The following ERC1 variants were observed in gnomAD, a reference collection of about 807,000 sequenced individuals.
ERC1 encodes the protein ELKS/RAB6-interacting/CAST family member 1, also known as RAB6 interacting protein 2.
ERC1 carries 56 observed loss-of-function variants against 132.0 expected under a neutral mutation model. The ratio of observed to expected loss-of-function variants is 0.42; its 90% CI spans 0.34 to 0.53. The LOEUF is 0.53. ERC1 is among the 20% of genes least tolerant of loss of function. The probability of loss-of-function intolerance (pLI) is 0.03; values close to 1 mark genes in which losing one functional copy is unlikely to be tolerated. For missense variants in ERC1, 1,202 were observed against 1,349.9 expected (o/e 0.89, Z 1.72); for synonymous variants, 478 against 476.1 (o/e 1.00, Z -0.05).
intron 18 of ERC1, among the ~76,000 whole-genome samples, chr12:1,472,808 C>G (rs908638317): frequency 2.0e-5 from 3 of 152,114 alleles, no homozygotes; most frequent in Non-Finnish European, 4.4e-5. Context: ...TATTACATGC[C>G]AGGCATAAAG....
intron 8 of ERC1, among the ~76,000 whole-genome samples, chr12:1,168,056 T>C (rs60297984): frequency 0.27 from 41,179 of 152,024 alleles, 5,755 homozygotes; most frequent in Non-Finnish European, 0.3. Context: ...GGTAAGAAAC[T>C]GACATTTGGA....
chr12:1,043,995 C>T (rs971758651), intron 2 of ERC1, among the ~76,000 whole-genome samples: 9 of 151,554 alleles, frequency 5.9e-5, no homozygotes, highest in African/African-American at 1.9e-4. Flanking sequence ...TTTTTGAAAC[C>T]GTATGTGGGA....
intron 17 of ERC1, among the ~76,000 whole-genome samples, chr12:1,409,677 T>A (rs1003512437): frequency 6.6e-6 from 1 of 152,152 alleles, no homozygotes; most frequent in Admixed American, 6.5e-5. Flanking sequence ...TATTTGCATA[T>A]AAGCTACACA....
At chr12:1,246,695 T>C (rs1266737299) in intron 13 of ERC1, among the ~76,000 whole-genome samples, 5 of 152,322 alleles carry the variant, frequency 3.3e-5, no homozygotes, top group African/African-American at 1.2e-4. Flanking sequence ...TAAAGAGACA[T>C]TGACCTCATG....
chr12:1,110,144 C>G (rs570317461), intron 4 of ERC1, 48 bp from the exon 5 acceptor site: 2 of 1,478,126 alleles, frequency 1.4e-6, no homozygotes, highest in Non-Finnish European at 1.8e-6. Context: ...TTCAGCTTTT[C>G]TGGGTTTTTG....
chr12:1,204,352 T>C (rs953457775), intron 12 of ERC1: 8 of 496,472 alleles, frequency 1.6e-5, no homozygotes, highest in South Asian at 1.0e-4. Context: ...ATAATTCTTT[T>C]TTAGTGACTG....
At chr12:1,226,864 A>G (rs2074618175) in intron 12 of ERC1, among the ~76,000 whole-genome samples, 1 of 152,046 alleles carries the variant, frequency 6.6e-6, no homozygotes, top group Non-Finnish European at 1.5e-5. Context: ...TTTAGTAGAG[A>G]TGGGGTTGCG....
chr12:1,184,302 A>T (rs1954824972), intron 11 of ERC1, among the ~76,000 whole-genome samples: 2 of 151,324 alleles, frequency 1.3e-5, no homozygotes, highest in Admixed American at 1.3e-4. Flanking sequence ...AAGACAGGGC[A>T]CATATTGTCA....
chr12:1,244,616 G>T (rs1411105949), intron 13 of ERC1: 2 of 441,854 alleles, frequency 4.5e-6, no homozygotes, highest in Non-Finnish European at 9.1e-6. Context: ...CCTTCTACCG[G>T]ATTCAAGTGA....
chr12:1,255,621 CTTTTTTTT>C (rs757949030), intron 13 of ERC1, among the ~76,000 whole-genome samples: 12 of 61,552 alleles, frequency 1.9e-4, no homozygotes, highest in African/African-American at 3.6e-4. Context: ...GCTTCCTGGC[CTTTTTTTT>C]TTTTTTTTTT....
intron 15 of ERC1, among the ~76,000 whole-genome samples, chr12:1,332,615 C>A (rs747745762): frequency 6.6e-6 from 1 of 152,142 alleles, no homozygotes; most frequent in African/African-American, 2.4e-5. Context: ...CACTGGTAGC[C>A]GTCTCTTTAG....
At chr12:1,379,433 G>A (rs959153127) in intron 16 of ERC1, among the ~76,000 whole-genome samples, 3 of 152,190 alleles carry the variant, frequency 2.0e-5, no homozygotes, top group Non-Finnish European at 2.9e-5. Context: ...GGGCACTTGA[G>A]GTTTGCACTA....
intron 15 of ERC1, among the ~76,000 whole-genome samples, chr12:1,349,348 T>C (rs1203038686): frequency 1.3e-5 from 2 of 152,122 alleles, no homozygotes; most frequent in African/African-American, 4.8e-5. Flanking sequence ...AGCTAAAAAG[T>C]GTTCGAGATC....
intron 1 of ERC1, among the ~76,000 whole-genome samples, chr12:1,002,609 T>C (rs1313280871): frequency 2.6e-5 from 4 of 152,180 alleles, no homozygotes; most frequent in Admixed American, 6.5e-5. Flanking sequence ...CAGTATTCCT[T>C]CTTTGTGGTT....
intron 17 of ERC1, among the ~76,000 whole-genome samples, chr12:1,412,618 G>A (rs570065240): frequency 1.3e-5 from 2 of 152,220 alleles, no homozygotes; most frequent in South Asian, 4.2e-4. Flanking sequence ...TGTGAGACAC[G>A]TGGACTCCAG....
At chr12:1,261,425 C>G (rs2077137193) in intron 13 of ERC1, among the ~76,000 whole-genome samples, 1 of 152,200 alleles carries the variant, frequency 6.6e-6, no homozygotes, top group South Asian at 2.1e-4. Context: ...CCAAAATAGT[C>G]ATTCTCATTC....
intron 1 of ERC1, among the ~76,000 whole-genome samples, chr12:1,001,852 TC>T (rs369460983): frequency 2.1e-5 from 3 of 143,954 alleles, no homozygotes; most frequent in Non-Finnish European, 3.0e-5. Context: ...TCTTGTAAAG[TC>T]TTTTTTTTTT....
intron 3 of ERC1, among the ~76,000 whole-genome samples, chr12:1,099,474 TC>T (rs1461722425): frequency 6.6e-6 from 1 of 152,230 alleles, no homozygotes; most frequent in Non-Finnish European, 1.5e-5. Context: ...TCTCAGGTGT[TC>T]CTTAGGAAAC....
At chr12:1,413,085 C>A (rs1476820300) in intron 17 of ERC1, among the ~76,000 whole-genome samples, 74 of 152,286 alleles carry the variant, frequency 4.9e-4, no homozygotes, top group Non-Finnish European at 4.4e-5. Context: ...TCCATCACCA[C>A]AAGTTTCATC....
Sources: gnomAD v4.1 joint callset for allele counts (sites outside exome capture counted in the v4.1 genomes callset) on GRCh38, gnomAD v4.1.1 for gene constraint, MANE v1.5 for transcripts, NCBI Gene and HGNC (gene_info 2026-07-23, HGNC 2026-07-21) for gene names.